DNAAF1: variants seen among roughly 807,000 people sequenced by gnomAD.
DNAAF1 encodes dynein axonemal assembly factor 1.
DNAAF1 carries 65 observed loss-of-function variants against 71.1 expected under a neutral mutation model. The ratio of observed to expected loss-of-function variants is 0.91; its 90% CI spans 0.75 to 1.12. The LOEUF is 1.12. Ranked by LOEUF, DNAAF1 falls within the 50% of genes most tolerant of loss-of-function variation. DNAAF1 has a pLI of 0.00. For missense variants in DNAAF1, 1,178 were observed against 899.8 expected, an observed-to-expected ratio of 1.31 and a Z score of -3.96; for synonymous variants, 414 against 354.6, an observed-to-expected ratio of 1.17 and a Z score of -1.88.
intron 3 of DNAAF1, among the ~76,000 whole-genome samples, chr16:84,152,723 G>C (rs899998901): frequency 6.6e-6 from 1 of 151,876 alleles, no homozygotes; most frequent in African/African-American, 2.4e-5. Flanking sequence ...GGAGGCCAAG[G>C]CAGGTGGATC....
At chr16:84,174,374 T>C (rs1384532267) in intron 9 of DNAAF1, 2 of 1,303,746 alleles carry the variant, frequency 1.5e-6, no homozygotes, top group African/African-American at 3.0e-5. Flanking sequence ...TCCCCCAAGA[T>C]GAACTGGCTG....
At chr16:84,145,695 C>G (rs989127705) in intron 1 of DNAAF1, 131 bp downstream of exon 1, 206 of 1,219,072 alleles carry the variant, frequency 1.7e-4, no homozygotes, top group Non-Finnish European at 2.2e-4. Flanking sequence ...TAGCAAGCAA[C>G]GCTCTGCAGT....
At position 84,145,517 on chromosome 16, in the gene DNAAF1, A is replaced by G; in HGVS notation, c.77A>G (p.Glu26Gly). The G allele has an allele frequency of 6.4e-7, 1 of 1,558,564 alleles. No individual in the cohort carries two copies. Among genetic ancestry groups the G allele is most frequent in the Non-Finnish European group, 8.7e-7 (1 of 1,151,032 alleles). ...TGCGCGCAGGAGCCCGGCGTGGAGG[A>G]GTCTGCGGGTGACCACGGGAGCGCA... ...LDCAQEPGVE[E>G]SAGDHGSAGR... The change falls in exon 1 of 12, where the codon GAG becomes GGG. Residue 26 changes from glutamate (E) to glycine (G), a missense_variant. Glu to Gly is a moderately conservative substitution (Grantham distance 98). Transcript: ENST00000378553.
intron 9 of DNAAF1, chr16:84,172,886 ATGTT>A (rs2088441819): frequency 3.0e-6 from 3 of 1,009,782 alleles, no homozygotes; most frequent in Middle Eastern, 5.0e-4. Flanking sequence ...CCTTGAGTGA[ATGTT>A]TGATCGCAGC....
intron 6 of DNAAF1, among the ~76,000 whole-genome samples, chr16:84,164,276 A>C (rs2087858800): frequency 2.0e-5 from 3 of 152,142 alleles, no homozygotes; most frequent in Non-Finnish European, 4.4e-5. Flanking sequence ...TATTGACTGA[A>C]GTCCATCATT....
chr16:84,168,752 T>A (rs1040352466), intron 7 of DNAAF1, among the ~76,000 whole-genome samples: 47 of 152,066 alleles, frequency 3.1e-4, no homozygotes, highest in African/African-American at 1.1e-3. Context: ...GAAAGAATAG[T>A]AAAACGGATA....
chr16:84,176,570 C>G (rs992246081), intron 11 of DNAAF1: 2 of 546,868 alleles, frequency 3.7e-6, no homozygotes, highest in Non-Finnish European at 6.6e-6. Context: ...TCACAATCCC[C>G]CTGTGGTCAT....
In DNAAF1 at chr16:84,154,633, C is replaced by T. The variant is rs1346841699; in HGVS notation, c.409C>T (p.Gln137Ter). 3 of 1,614,020 alleles carry T rather than the reference C, an allele frequency of 1.9e-6. No homozygotes were observed. Among genetic ancestry groups the T allele is most frequent in the African/African-American group, 2.7e-5 (2 of 74,894 alleles). ...CACAGGGCTGCGCTGTCTCTGGCTG[C>T]AGAGCAATGGAATACAGAAAATCGA... ...EYTGLRCLWLQSNGIQKIENL... is the reference protein window; with the variant it reads ...EYTGLRCLWL The change falls in exon 4 of 12, where the codon CAG (glutamine) becomes TAG (stop). Residue 137 changes from glutamine (Q) to a stop codon, truncating the protein, a stop_gained. Coordinates refer to ENST00000378553, the MANE Select transcript of DNAAF1 (RefSeq NM_178452.6). LOFTEE classifies it high-confidence loss of function.
rs185499767 is a variant in DNAAF1 at position 84,165,083 on chromosome 16, G to T, written c.864-700G>T. 5.3e-3 allele frequency among the ~76,000 whole-genome samples: 804 copies of T among 152,232 alleles called. 3 individuals are homozygous for T. Among genetic ancestry groups the T allele is most frequent in the Non-Finnish European group, 7.1e-3 (482 of 68,000 alleles). On this transcript the variant is annotated intron_variant, in intron 6 of 11. Coordinates refer to ENST00000378553, the MANE Select transcript of DNAAF1 (RefSeq NM_178452.6). ...TTTTGGTGAGGTACCCTGATCATTT[G>T]CCCAGTTTTTTATTGCGTTGTTTCC...
chr16:84,154,502 G>T, intron 3 of DNAAF1, 75 bp from the exon 4 acceptor site: 3 of 1,323,660 alleles, frequency 2.3e-6, no homozygotes, highest in Non-Finnish European at 3.2e-6. Context: ...CTAATAGTAG[G>T]CAAAAACAAG....
intron 11 of DNAAF1, 172 bp downstream of exon 11, chr16:84,176,471 G>A (rs2088668071): frequency 2.8e-6 from 3 of 1,059,174 alleles, no homozygotes; most frequent in Admixed American, 2.2e-5. Flanking sequence ...TCACGGGTCT[G>A]AAGCTGCCAC....
At chr16:84,151,678 G>A (rs1007000144) in intron 3 of DNAAF1, among the ~76,000 whole-genome samples, 3 of 152,142 alleles carry the variant, frequency 2.0e-5, no homozygotes, top group African/African-American at 7.2e-5. Flanking sequence ...CCGGGAACTC[G>A]GGAGTCATCA....
Position 84,154,685 on chromosome 16 carries a change from G to T in DNAAF1, c.461G>T (p.Arg154Leu). Residue 154 changes from arginine (R) to leucine (L), a missense_variant, in exon 4 of 12, where the codon CGT becomes CTT. By Grantham distance (102) the Arg-to-Leu change is moderately radical. Coordinates refer to ENST00000378553, the MANE Select transcript of DNAAF1 (RefSeq NM_178452.6). ...IENLEAQTEL[R>L]CLFLQMNLLR... ...AACCTGGAGGCCCAAACTGAGTTGC[G>T]TTGCCTCTTCTTGCAAATGAACTTG... The T allele has an allele frequency of 6.2e-7, 1 of 1,614,154 alleles. No individual in the cohort carries two copies. Among genetic ancestry groups the T allele is most frequent in the Non-Finnish European group, 8.5e-7 (1 of 1,180,024 alleles).
chr16:84,158,708 T>C (rs1205027097), intron 5 of DNAAF1: 1 of 152,186 alleles, frequency 6.6e-6, no homozygotes, highest in Non-Finnish European at 1.5e-5. Context: ...TGGTTCACCC[T>C]CATGTTGCCT....
chr16:84,163,251 C>T (rs2087799321), intron 6 of DNAAF1, among the ~76,000 whole-genome samples: 1 of 152,058 alleles, frequency 6.6e-6, no homozygotes, highest in Admixed American at 6.6e-5. Context: ...TTTGAGGAGA[C>T]ACCACATGGT....
chr16:84,152,623 A>T lies in DNAAF1; in HGVS notation c.353-1954A>T, dbSNP rs547751719. On this transcript the variant is annotated intron_variant, in intron 3 of 11. Transcript: ENST00000378553. ...AGATTGTGCTACCGCGCTCCAGCCT[A>T]GGCGACAGAGCAAGATTCTGTCTCA... Among the ~76,000 whole-genome samples the T allele has an allele frequency of 1.1e-4, 16 of 145,168 alleles. No homozygotes were observed. In the East Asian group the frequency reaches 3.3e-3, roughly 30 times the overall value.
At chr16:84,157,227 A>C (rs547569193) in intron 5 of DNAAF1, among the ~76,000 whole-genome samples, 1 of 152,100 alleles carries the variant, frequency 6.6e-6, no homozygotes, top group East Asian at 1.9e-4. Context: ...TTCATGTTCA[A>C]ATTTTCCCAT....
chr16:84,169,940 CA>C lies in DNAAF1; in HGVS notation c.1114del (p.Arg372GlyfsTer108). ...GAGGAGCCTCCCGGGGACAGAGAAA[CA>C]AGGCAGAAGATGGAGCTATTTGTTA... The part of the protein sequence containing the change: ...GKEEPPGDRE[T>X]RQKMELFVKE... On this transcript the variant is annotated frameshift_variant, in exon 8 of 12. Coordinates refer to ENST00000378553, the MANE Select transcript of DNAAF1 (RefSeq NM_178452.6). LOFTEE classifies it high-confidence loss of function. The C allele has an allele frequency of 6.2e-7, 1 of 1,614,146 alleles. No individual in the cohort carries two copies. Among genetic ancestry groups the C allele is most frequent in the South Asian group, 1.1e-5 (1 of 91,084 alleles).
chr16:84,176,109 TAA>T lies in DNAAF1; in HGVS notation c.1880_1881del (p.Lys627ArgfsTer3). ...CTCGGGTGCCCTTCACAGACATCTT[TAA>T]AAAAGAAGCTAAGAGGGACTTGGAA... ...AARVPFTDIF[K>X]KEAKRDLEIR... On this transcript the variant is annotated frameshift_variant, in exon 11 of 12. Transcript: ENST00000378553. LOFTEE classifies it high-confidence loss of function. 1 of 1,613,750 alleles carries T rather than the reference TAA, an allele frequency of 6.2e-7. No individual in the cohort carries two copies. Among genetic ancestry groups the T allele is most frequent in the East Asian group, 2.2e-5 (1 of 44,860 alleles).
Sources: gnomAD v4.1 joint callset for allele counts (sites outside exome capture counted in the v4.1 genomes callset) on GRCh38, gnomAD v4.1.1 for gene constraint, MANE v1.5 for transcripts, NCBI Gene and HGNC (gene_info 2026-07-23, HGNC 2026-07-21) for gene names.